The following AFM variants were observed in gnomAD, a reference collection of about 807,000 sequenced individuals.
The protein encoded by AFM is alpha-Alb.
In AFM, 82 loss-of-function variants were observed where a neutral mutation model predicts 68.7. That is an observed-to-expected ratio of 1.19 (90% CI 1.00 to 1.43). The LOEUF is 1.43. AFM is among the 40% of genes most tolerant of loss of function. The pLI, the probability that AFM is intolerant of heterozygous loss-of-function variation, is 0.00. For missense variants in AFM, 772 were observed against 701.8 expected (o/e 1.10, Z -1.13); for synonymous variants, 250 against 234.2 (o/e 1.07, Z -0.61).
chr4:73,501,788 T>C lies in AFM; in HGVS notation c.1648T>C (p.Phe550Leu), dbSNP rs144181216. ...TTATTTGACATCTTTTGGCCACAGG[T>C]TTCTTGTCAACTTAGTGAAGCTGAA... The part of the protein sequence containing the change: ...NEELQRKTDR[F>L]LVNLVKLKHE... Residue 550 changes from phenylalanine to leucine, a missense_variant and splice_region_variant, in exon 13 of 15, where the codon TTT becomes CTT. Physicochemically the swap from Phe to Leu is conservative, Grantham distance 22 (BLOSUM62 0). Transcript: ENST00000226355. 50 of 1,611,620 alleles carry C rather than the reference T, an allele frequency of 3.1e-5. 1 individual carries two copies. Among genetic ancestry groups the C allele is most frequent in the Middle Eastern group, 1.7e-4 (1 of 6,050 alleles).
intron 7 of AFM, among the ~76,000 whole-genome samples, chr4:73,491,139 GT>G (rs1721058818): frequency 6.6e-6 from 1 of 152,184 alleles, no homozygotes; most frequent in Admixed American, 6.5e-5. Context: ...GCCCAGAACA[GT>G]TTTTAAAAAT....
chr4:73,487,895 T>G, intron 6 of AFM, 74 bp downstream of exon 6: 1 of 1,052,802 alleles, frequency 9.5e-7, no homozygotes, highest in Admixed American at 1.9e-5. Flanking sequence ...AAATGGTTGA[T>G]AACTTTTTAT....
Position 73,499,117 on chromosome 4 carries a change from C to T in AFM, c.1293C>T (p.Tyr431=). 3 of 1,609,856 alleles carry T rather than the reference C, an allele frequency of 1.9e-6. No homozygotes were observed. In the South Asian group the frequency reaches 3.3e-5, roughly 18 times the overall value. The part of the protein sequence containing the change: ...NLGKDGLKYH[Y]LIRLTKIAPQ... Reference sequence around the variant, plus strand: ...AAACAGACAAATGTTCTTTCAGTTACCTCATCAGGCTCACGAAGATAGCTC... The same window carrying T: ...AAACAGACAAATGTTCTTTCAGTTATCTCATCAGGCTCACGAAGATAGCTC... Residue 431 remains tyrosine, a synonymous_variant, in exon 11 of 15, where the codon TAC becomes TAT. Transcript: ENST00000226355.
rs1720792878 is a variant in AFM, at chr4:73,484,241, C to T, written c.138-17C>T. 2 of 1,601,198 alleles carry T rather than the reference C, an allele frequency of 1.2e-6. No individual in the cohort carries two copies. On this transcript the variant is annotated splice_polypyrimidine_tract_variant and intron_variant, in intron 2 of 14. Transcript: ENST00000226355. ...CTCTGCAACTGATCTTTGTATACCCCATGTGAACTGTTGCAGCACCATCAT... is the reference window on the plus strand; with the variant it reads ...CTCTGCAACTGATCTTTGTATACCCTATGTGAACTGTTGCAGCACCATCAT...
rs748660845 is a variant in AFM, at chr4:73,481,802, T to C, written c.27T>C (p.Phe9=). The C allele has an allele frequency of 6.2e-7, 1 of 1,606,834 alleles. No homozygotes were observed. The highest frequency in any genetic ancestry group is 8.5e-7 in the Non-Finnish European group (1 of 1,176,382). ...TGAAACTACTAAAACTTACAGGTTTTATTTTTTTCTTGTTTTTTTTGACTG... is the reference window on the plus strand; with the variant it reads ...TGAAACTACTAAAACTTACAGGTTTCATTTTTTTCTTGTTTTTTTTGACTG... The part of the protein sequence containing the change: MKLLKLTG[F]IFFLFFLTES... Residue 9 remains phenylalanine, a synonymous_variant, in exon 1 of 15, where the codon TTT becomes TTC. Coordinates refer to ENST00000226355, the MANE Select transcript of AFM (RefSeq NM_001133.2).
At position 73,499,246 on chromosome 4, in the gene AFM, G is replaced by A. The variant is rs1261861000; in HGVS notation, c.1422G>A (p.Leu474=). Residue 474 remains leucine (L), a splice_region_variant and synonymous_variant, in exon 11 of 15, where the codon TTG becomes TTA. Coordinates refer to ENST00000226355, the MANE Select transcript of AFM (RefSeq NM_001133.2). ...AAGAGTTTGCCTGTGTTGATAATTTGGTGAGCATGGCCTGTGTACCAGACT... is the reference window on the plus strand; with the variant it reads ...AAGAGTTTGCCTGTGTTGATAATTTAGTGAGCATGGCCTGTGTACCAGACT... ...LSEEFACVDN[L]ADLVFGELCG... 2.5e-6 allele frequency: 4 copies of A among 1,602,244 alleles called. No individual in the cohort carries two copies. The highest frequency in any genetic ancestry group is 3.4e-6 in the Non-Finnish European group (4 of 1,173,528).
intron 8 of AFM, 37 bp from the exon 9 acceptor site, chr4:73,495,263 C>T (rs1375554904): frequency 1.3e-6 from 2 of 1,539,400 alleles, no homozygotes; most frequent in South Asian, 1.3e-5. Flanking sequence ...TTTGCTCTTT[C>T]TCTAATTTCT....
chr4:73,501,535 C>T (rs2149347394), intron 12 of AFM, among the ~76,000 whole-genome samples: 1 of 152,206 alleles, frequency 6.6e-6, no homozygotes, highest in Non-Finnish European at 1.5e-5. Flanking sequence ...CTCGTCATCC[C>T]TCTCTTCCTC....
rs1721383879 is a variant in AFM, at chr4:73,500,034, G to A, written c.1453G>A (p.Val485Ile). 6.2e-7 allele frequency: 1 copy of A among 1,614,014 alleles called. No individual in the cohort carries two copies. Among genetic ancestry groups the A allele is most frequent in the Non-Finnish European group, 8.5e-7 (1 of 1,179,920 alleles). The change falls in exon 12 of 15, where the codon GTA becomes ATA. Residue 485 changes from valine (V) to isoleucine (I), a missense_variant. Physicochemically the swap from Val to Ile is conservative, Grantham distance 29. Transcript: ENST00000226355. ...ADLVFGELCG[V>I]NENRTINPAV... is the part of the protein sequence containing the mutation. The stretch of plus-strand genomic sequence containing the variant: ...TTTAGTTTTTGGAGAGTTATGTGGA[G>A]TAAATGAAAATCGAACTATCAACCC...
intron 11 of AFM, 82 bp downstream of exon 11, chr4:73,499,328 T>C: frequency 8.0e-7 from 1 of 1,252,838 alleles, no homozygotes; most frequent in Non-Finnish European, 1.0e-6. Flanking sequence ...TTTACCGTGA[T>C]TATCCATATT....
chr4:73,501,848 T>C lies in AFM; in HGVS notation c.1708T>C (p.Phe570Leu). 6.2e-7 allele frequency: 1 copy of C among 1,613,564 alleles called. No homozygotes were observed. Among genetic ancestry groups the C allele is most frequent in the Non-Finnish European group, 8.5e-7 (1 of 1,179,700 alleles). ...ELTDEELQSL[F>L]TNFANVVDKC... Reference sequence around the variant, plus strand: ...CACAGATGAAGAGCTGCAGTCTTTGTTTACAAATTTCGCAAATGTAGTGGA... The same window carrying C: ...CACAGATGAAGAGCTGCAGTCTTTGCTTACAAATTTCGCAAATGTAGTGGA... The change falls in exon 13 of 15, where the codon TTT (phenylalanine) becomes CTT (leucine). Residue 570 changes from phenylalanine (F) to leucine (L), a missense_variant. Phe to Leu is a conservative substitution (Grantham distance 22). Coordinates refer to ENST00000226355, the MANE Select transcript of AFM (RefSeq NM_001133.2).
chr4:73,498,761 T>A (rs913463496), intron 10 of AFM, among the ~76,000 whole-genome samples: 1 of 152,212 alleles, frequency 6.6e-6, no homozygotes, highest in African/African-American at 2.4e-5. Flanking sequence ...ATTGATTAAA[T>A]TCTTTCTTTA....
At chr4:73,499,691 A>G (rs1721371255) in intron 11 of AFM, among the ~76,000 whole-genome samples, 1 of 152,126 alleles carries the variant, frequency 6.6e-6, no homozygotes, top group Non-Finnish European at 1.5e-5. Flanking sequence ...AAACCCCTGT[A>G]CCACAGTGTT....
chr4:73,497,438 T>A (rs978574690), intron 9 of AFM, among the ~76,000 whole-genome samples: 1 of 152,200 alleles, frequency 6.6e-6, no homozygotes, highest in African/African-American at 2.4e-5. Flanking sequence ...ATAAAAAAAT[T>A]TGGACTTTTA....
At chr4:73,496,158 T>TTG (rs1279253543) in intron 9 of AFM, among the ~76,000 whole-genome samples, 1 of 152,230 alleles carries the variant, frequency 6.6e-6, no homozygotes, top group Non-Finnish European at 1.5e-5. Flanking sequence ...CTCATGGGGC[T>TTG]AACATCAGGT....
intron 2 of AFM, 118 bp downstream of exon 2, chr4:73,484,107 A>C: frequency 7.3e-7 from 1 of 1,366,738 alleles, no homozygotes; most frequent in Non-Finnish European, 9.8e-7. Flanking sequence ...GACAACTTTA[A>C]TTATAAAATT....
chr4:73,487,166 CTT>C, intron 5 of AFM, 67 bp downstream of exon 5: 1 of 1,539,216 alleles, frequency 6.5e-7, no homozygotes, highest in Admixed American at 1.8e-5. Flanking sequence ...CAGACCCTGA[CTT>C]ATATTATAGC....
intron 9 of AFM, among the ~76,000 whole-genome samples, chr4:73,496,394 C>T (rs757308109): frequency 3.3e-5 from 5 of 152,066 alleles, no homozygotes; most frequent in African/African-American, 1.2e-4. Flanking sequence ...CTGAGATGAA[C>T]GTCTCCTTCC....
chr4:73,486,736 A>T (rs1720911249), intron 4 of AFM, among the ~76,000 whole-genome samples: 1 of 152,206 alleles, frequency 6.6e-6, no homozygotes, highest in African/African-American at 2.4e-5. Context: ...AGGACTTCAA[A>T]GGACTCTTAT....
Sources: allele counts gnomAD v4.1 joint callset (sites outside exome capture counted in the v4.1 genomes callset), GRCh38; gene constraint gnomAD v4.1.1; transcripts MANE v1.5; gene names NCBI Gene and HGNC (gene_info 2026-07-23, HGNC 2026-07-21).